PCDHGB1: variants seen among roughly 807,000 people sequenced by gnomAD.
PCDHGB1 encodes protocadherin gamma subfamily B, 1.
PCDHGB1 carries 34 observed loss-of-function variants against 56.6 expected under a neutral mutation model. That is an observed-to-expected ratio of 0.60 (90% CI 0.46 to 0.80). The LOEUF (loss-of-function observed/expected upper bound fraction) is 0.80. Among genes scored for constraint, PCDHGB1 ranks in the 30% least tolerant of loss-of-function variants. The pLI is 0.00. For missense variants in PCDHGB1, 1,278 were observed against 1,204.6 expected, an observed-to-expected ratio of 1.06 and a Z score of -0.90; for synonymous variants, 561 against 505.9, an observed-to-expected ratio of 1.11 and a Z score of -1.46.
intron 1 of PCDHGB1, chr5:141,420,931 AATC>A: frequency 2.7e-6 from 1 of 369,128 alleles, no homozygotes; most frequent in African/African-American, 2.1e-5. Context: ...AGGTGAGCGT[AATC>A]ATTTCTTCTG....
chr5:141,386,098 G>A (rs1384243905), intron 1 of PCDHGB1: 3 of 152,228 alleles, frequency 2.0e-5, no homozygotes, highest in Non-Finnish European at 4.4e-5. Flanking sequence ...GATGAAGTGT[G>A]TCTGTGGGCT....
intron 1 of PCDHGB1, chr5:141,418,973 C>T: frequency 3.1e-6 from 5 of 1,613,916 alleles, no homozygotes; most frequent in Non-Finnish European, 3.4e-6. Context: ...CTTCAAAACA[C>T]GGGACCAAGA....
chr5:141,357,839 G>A, intron 1 of PCDHGB1: 1 of 640,618 alleles, frequency 1.6e-6, no homozygotes, highest in East Asian at 3.0e-5. Context: ...TCATTCAGTT[G>A]TAGTTTCAGC....
intron 1 of PCDHGB1, chr5:141,367,575 T>C (rs1765237338): frequency 7.4e-6 from 1 of 135,240 alleles, no homozygotes. Context: ...TAAATAAATA[T>C]CAGAAAAGTA....
At position 141,351,562 on chromosome 5, in the gene PCDHGB1, C is replaced by A; in HGVS notation, c.1302C>A (p.Ile434=). The change falls in exon 1 of 4, where the codon ATC becomes ATA. Residue 434 remains isoleucine (I), a synonymous_variant. Transcript: ENST00000523390. ...CAGCCCTTTCCTCCAGGACAAGCATCACCCTGCACATCTCCGACATCAACG... is the reference window on the plus strand; with the variant it reads ...CAGCCCTTTCCTCCAGGACAAGCATAACCCTGCACATCTCCGACATCAACG... The part of the protein sequence containing the change: ...GKPALSSRTS[I]TLHISDINDN... 1.9e-6 allele frequency: 3 copies of A among 1,614,052 alleles called. No individual in the cohort carries two copies. Among genetic ancestry groups the A allele is most frequent in the Non-Finnish European group, 2.5e-6 (3 of 1,179,898 alleles).
intron 1 of PCDHGB1, among the ~76,000 whole-genome samples, chr5:141,482,940 G>T (rs1245833250): frequency 6.6e-6 from 1 of 152,026 alleles, no homozygotes; most frequent in East Asian, 1.9e-4. Context: ...AGGTGTGGTT[G>T]TGGGTGCCTG....
intron 1 of PCDHGB1, among the ~76,000 whole-genome samples, chr5:141,381,922 C>A (rs1777762962): frequency 6.9e-6 from 1 of 145,556 alleles, no homozygotes. Context: ...CTCCACCTCC[C>A]GGGTTCAAGC....
At chr5:141,497,060 G>T (rs1244885752) in intron 2 of PCDHGB1, among the ~76,000 whole-genome samples, 1 of 151,952 alleles carries the variant, frequency 6.6e-6, no homozygotes, top group Non-Finnish European at 1.5e-5. Context: ...GTGGTGGCAG[G>T]CACCTGTAAT....
chr5:141,388,254 G>A, intron 1 of PCDHGB1: 2 of 1,568,962 alleles, frequency 1.3e-6, no homozygotes, highest in South Asian at 1.1e-5. Context: ...TGTGGAGATC[G>A]AGGACATTAA....
At chr5:141,360,315 C>T (rs747029158) in intron 1 of PCDHGB1, 2 of 1,613,966 alleles carry the variant, frequency 1.2e-6, no homozygotes, top group Admixed American at 1.7e-5. Flanking sequence ...GCGTCCGGGA[C>T]TTGCCAGCCC....
intron 2 of PCDHGB1, among the ~76,000 whole-genome samples, chr5:141,505,119 G>A (rs371973470): frequency 3.1e-4 from 47 of 152,210 alleles, no homozygotes; most frequent in African/African-American, 1.0e-3. Flanking sequence ...CCAAGATCGC[G>A]CCACTGCACT....
At chr5:141,408,473 G>A (rs2095117243) in intron 1 of PCDHGB1, 5 of 1,613,952 alleles carry the variant, frequency 3.1e-6, no homozygotes, top group African/African-American at 1.3e-5. Flanking sequence ...GAACCGAATA[G>A]ACCGTGAGCA....
Position 141,489,119 on chromosome 5 carries a change from C to T in PCDHGB1, c.2410-5688C>T, listed in dbSNP as rs1236074950. The T allele has an allele frequency of 2.0e-5, 13 of 650,240 alleles. No individual in the cohort carries two copies. Among genetic ancestry groups the T allele is most frequent in the African/African-American group, 9.1e-5 (5 of 55,178 alleles). 40.3% of individuals were successfully genotyped at this position (650,240 alleles called of 1,614,324 possible). ...GAACTGCTGCAAGCAGGCAAACCTC[C>T]GAGCAGTTTTTAAGAGGCTGGAAGG... On this transcript the variant is annotated intron_variant, in intron 1 of 3. Coordinates refer to ENST00000523390, the MANE Select transcript of PCDHGB1 (RefSeq NM_018922.3). This position sits in a 1 kb window ranked among gnomAD's most constrained non-coding sequence, Gnocchi z 4.5.
intron 1 of PCDHGB1, chr5:141,404,354 G>A (rs749866543): frequency 6.2e-7 from 1 of 1,613,916 alleles, no homozygotes; most frequent in Non-Finnish European, 8.5e-7. Flanking sequence ...CAACGCCAGA[G>A]GTACTTCCAT....
chr5:141,394,521 G>A (rs761808641), intron 1 of PCDHGB1: 5 of 1,614,212 alleles, frequency 3.1e-6, no homozygotes, highest in Non-Finnish European at 4.2e-6. Flanking sequence ...CCTCCCCACA[G>A]ACGGTTCCAC....
intron 1 of PCDHGB1, chr5:141,364,200 A>G: frequency 8.9e-7 from 1 of 1,126,004 alleles, no homozygotes; most frequent in Non-Finnish European, 1.2e-6. Flanking sequence ...CACACAGACC[A>G]GACAAGCTCC....
intron 1 of PCDHGB1, chr5:141,356,720 T>C: frequency 6.2e-7 from 1 of 1,614,006 alleles, no homozygotes. Context: ...TATGTCTCCA[T>C]CAACTCCAAT....
chr5:141,385,076 A>G, intron 1 of PCDHGB1: 1 of 1,614,206 alleles, frequency 6.2e-7, no homozygotes, highest in Non-Finnish European at 8.5e-7. Context: ...CGCCTGCTGC[A>G]GGCTTCAGAA....
chr5:141,426,086 G>A (rs751467304), intron 1 of PCDHGB1, among the ~76,000 whole-genome samples: 5 of 152,218 alleles, frequency 3.3e-5, no homozygotes, highest in Non-Finnish European at 7.3e-5. Context: ...CTACCAGGAC[G>A]ATATTCTGTT....
Sources: allele counts gnomAD v4.1 joint callset (sites outside exome capture counted in the v4.1 genomes callset), GRCh38; gene constraint gnomAD v4.1.1; non-coding constraint Gnocchi (gnomAD v3.1); transcripts MANE v1.5; gene names NCBI Gene and HGNC (gene_info 2026-07-23, HGNC 2026-07-21).